Variants in GRIN3B observed in about 807,000 individuals in gnomAD.
GRIN3B encodes glutamate ionotropic receptor NMDA type subunit 3B.
In GRIN3B, 77 loss-of-function variants were observed where a neutral mutation model predicts 66.0. The observed-to-expected ratio is 1.17, with a 90% CI of 0.97 to 1.41. GRIN3B has a LOEUF of 1.41. Among genes scored for constraint, GRIN3B ranks in the 40% most tolerant of loss-of-function variants. The pLI is 0.00. For synonymous variants in GRIN3B, 823 were observed against 749.7 expected (o/e 1.10, Z -1.60); for missense variants, 1,787 against 1,564.5 (o/e 1.14, Z -2.40).
Position 1,005,142 on chromosome 19 carries a change from C to G in GRIN3B, c.1641C>G (p.Pro547=), listed in dbSNP as rs757652954. ...ARSQVVDFTS[P]FFSTSLGIMV... Reference sequence around the variant, plus strand: ...CACAGGTGGTGGACTTCACCAGCCCCTTCTTCTCCACCAGCCTGGGCATCA... The same window carrying G: ...CACAGGTGGTGGACTTCACCAGCCCGTTCTTCTCCACCAGCCTGGGCATCA... Residue 547 remains proline (P), a synonymous_variant, in exon 3 of 9, where the codon CCC becomes CCG. Transcript: ENST00000234389. This position sits in a 1 kb window ranked among gnomAD's most constrained non-coding sequence, Gnocchi z 5.2. 1.9e-6 allele frequency: 3 copies of G among 1,613,296 alleles called. No individual in the cohort carries two copies. Among genetic ancestry groups the G allele is most frequent in the East Asian group, 4.5e-5 (2 of 44,878 alleles).
chr19:1,003,617 G>T lies in GRIN3B; in HGVS notation c.914G>T (p.Gly305Val). 6.9e-7 allele frequency: 1 copy of T among 1,448,626 alleles called. No homozygotes were observed. 89.7% of individuals were successfully genotyped at this position (1,448,626 alleles called of 1,614,324 possible). Reference sequence around the variant, plus strand: ...GTGCAACTGGTGGCCCGGGCGCTGGGCAGTGCGGCCCAGGTGCAGCCGAAG... The same window carrying T: ...GTGCAACTGGTGGCCCGGGCGCTGGTCAGTGCGGCCCAGGTGCAGCCGAAG... ...DIVQLVARAL[G>V]SAAQVQPKRA... is the part of the protein sequence containing the mutation. The change falls in exon 2 of 9, where the codon GGC becomes GTC. Residue 305 changes from glycine to valine, a missense_variant. By Grantham distance (109) the Gly-to-Val change is moderately radical. Transcript: ENST00000234389.
rs528772663 is a variant in GRIN3B, at chr19:1,008,519, A to C, written c.2467-99A>C. The C allele has an allele frequency of 7.0e-4, 977 of 1,403,678 alleles. 5 individuals carry two copies. In the Middle Eastern group the frequency reaches 0.016, roughly 23 times the overall value. 87.0% of individuals were successfully genotyped at this position (1,403,678 alleles called of 1,614,324 possible). ...CTCCCAACCTGGCTCCACTGCCCCAAGCCCCTCTCTCTGGCCCAACCTGTT... is the reference window on the plus strand; with the variant it reads ...CTCCCAACCTGGCTCCACTGCCCCACGCCCCTCTCTCTGGCCCAACCTGTT... On this transcript the variant is annotated intron_variant, in intron 6 of 8. Coordinates refer to ENST00000234389, the MANE Select transcript of GRIN3B (RefSeq NM_138690.3).
In GRIN3B at chr19:1,005,600, G is replaced by C; in HGVS notation, c.2052+47G>C. On this transcript the variant is annotated intron_variant, in intron 3 of 8. Coordinates refer to ENST00000234389, the MANE Select transcript of GRIN3B (RefSeq NM_138690.3). The surrounding 1 kb of genome is among the most constrained non-coding windows in gnomAD (Gnocchi z 5.2). ...CGGGTGGCCTTGGGGGGCTAGCGGT[G>C]GCCCCGGGCTGGGCTGTGTGGGGCA... 6.9e-7 allele frequency: 1 copy of C among 1,447,362 alleles called. No individual in the cohort carries two copies. The allele number at this position is 1,447,362 out of a possible 1,614,324, so 89.7% of individuals were successfully genotyped here. A position where few individuals can be genotyped will look rare whatever the true frequency, so the allele number is the denominator to read the frequency against.
At position 1,007,860 on chromosome 19, in the gene GRIN3B, G is replaced by A. The variant is rs1599460874; in HGVS notation, c.2203G>A (p.Asp735Asn). ...CCCCGCCCCCGGCCCCAGCAGGAGCGACCCCCCCAAGCTCAACGCCTTCAT... is the reference window on the plus strand; with the variant it reads ...CCCCGCCCCCGGCCCCAGCAGGAGCAACCCCCCCAAGCTCAACGCCTTCAT... ...TPRGVAMLTS[D>N]PPKLNAFIMD... The change falls in exon 5 of 9, where the codon GAC becomes AAC. Residue 735 changes from aspartate to asparagine, a missense_variant. Transcript: ENST00000234389. The surrounding 1 kb of genome is among the most constrained non-coding windows in gnomAD (Gnocchi z 4.4). 1.2e-6 allele frequency: 2 copies of A among 1,608,078 alleles called. No individual in the cohort carries two copies. The highest frequency in any genetic ancestry group is 1.7e-6 in the Non-Finnish European group (2 of 1,177,120).
At chr19:1,004,005 C>A (rs1184985176) in intron 2 of GRIN3B, among the ~76,000 whole-genome samples, 1 of 152,256 alleles carries the variant, frequency 6.6e-6, no homozygotes, top group African/African-American at 2.4e-5. Context: ...GAGAGAATCG[C>A]TTGAGCCTGT....
At position 1,008,879 on chromosome 19, in the gene GRIN3B, C is replaced by T. The variant is rs200081897; in HGVS notation, c.2654C>T (p.Thr885Met). Residue 885 changes from threonine (T) to methionine (M), a missense_variant, in exon 8 of 9, where the codon ACG becomes ATG. By Grantham distance (81) the Thr-to-Met change is moderately conservative. Transcript: ENST00000234389. Reference protein sequence around the residue: ...TSQKIHRALNTEPPEGSKEET... With the variant: ...TSQKIHRALNMEPPEGSKEET... ...TAGAAAATCCACCGCGCCCTCAACA[C>T]GGAGCCACCAGAGGGGTCGAAGGAG... The T allele has an allele frequency of 5.0e-6, 8 of 1,610,414 alleles. No individual in the cohort carries two copies. The South Asian group carries it at 7.7e-5, about 16-fold the overall frequency.
Position 1,005,464 on chromosome 19 carries a change from C to T in GRIN3B, c.1963C>T (p.Leu655=), listed in dbSNP as rs767570041. 2.5e-6 allele frequency: 4 copies of T among 1,613,380 alleles called. No homozygotes were observed. Among genetic ancestry groups the T allele is most frequent in the Middle Eastern group, 1.6e-4 (1 of 6,084 alleles). The stretch of plus-strand genomic sequence containing the variant: ...GAACCTCTGGGCCATCTTCTGCCTG[C>T]TGGTGCTGTCCAGCTACACGGCCAA... ...LMNLWAIFCL[L]VLSSYTANLA... Residue 655 remains leucine, a synonymous_variant, in exon 3 of 9, where the codon CTG becomes TTG. Transcript: ENST00000234389. This position sits in a 1 kb window ranked among gnomAD's most constrained non-coding sequence, Gnocchi z 5.2.
Position 1,003,275 on chromosome 19 carries a change from G to A in GRIN3B, c.572G>A (p.Trp191Ter). The change falls in exon 2 of 9, where the codon TGG becomes TAG. Residue 191 changes from tryptophan (W) to a stop codon, truncating the protein, a stop_gained. Coordinates refer to ENST00000234389, the MANE Select transcript of GRIN3B (RefSeq NM_138690.3). LOFTEE classifies it high-confidence loss of function. Reference sequence around the variant, plus strand: ...GACCCCGGCGGCCTGGTGGCCCTCTGGACAAGCCGGGCTGGCCGGCCCCCA... The same window carrying A: ...GACCCCGGCGGCCTGGTGGCCCTCTAGACAAGCCGGGCTGGCCGGCCCCCA... ...TQDPGGLVAL[W>*]TSRAGRPPQL... is the part of the protein sequence containing the mutation. 1 of 1,571,598 alleles carries A rather than the reference G, an allele frequency of 6.4e-7. No individual in the cohort carries two copies. Among genetic ancestry groups the A allele is most frequent in the Non-Finnish European group, 8.6e-7 (1 of 1,160,698 alleles).
rs1261289316 is a variant in GRIN3B at position 1,007,434 on chromosome 19, G to A, written c.2053-194G>A. On this transcript the variant is annotated intron_variant, in intron 3 of 8. Transcript: ENST00000234389. The surrounding 1 kb of genome is among the most constrained non-coding windows in gnomAD (Gnocchi z 4.4). Reference sequence around the variant, plus strand: ...CTGCCCCCCGCCCCAGGGGACCCTGGACAGTGTGTGTCTAGAGACAGCTGT... The same window carrying A: ...CTGCCCCCCGCCCCAGGGGACCCTGAACAGTGTGTGTCTAGAGACAGCTGT... Among the ~76,000 whole-genome samples the A allele has an allele frequency of 6.6e-6, 1 of 151,944 alleles. No homozygotes were observed. The highest frequency in any genetic ancestry group is 1.5e-5 in the Non-Finnish European group (1 of 67,928).
In GRIN3B at chr19:1,004,688, T is replaced by G; in HGVS notation, c.1187T>G (p.Leu396Trp). The change falls in exon 3 of 9, where the codon TTG (leucine) becomes TGG (tryptophan). Residue 396 changes from leucine (L) to tryptophan (W), a missense_variant. By Grantham distance (61) the Leu-to-Trp change is moderately conservative (BLOSUM62 -2). Transcript: ENST00000234389. Reference sequence around the variant, plus strand: ...AGCTGGCGGGACGGCCAGCTGGACTTGGAACCGGGAGGTGCCTCTGCACGG... The same window carrying G: ...AGCTGGCGGGACGGCCAGCTGGACTGGGAACCGGGAGGTGCCTCTGCACGG... ...VGSWRDGQLD[L>W]EPGGASARPP... The G allele has an allele frequency of 6.2e-7, 1 of 1,601,390 alleles. No homozygotes were observed. Among genetic ancestry groups the G allele is most frequent in the Non-Finnish European group, 8.5e-7 (1 of 1,174,086 alleles).
chr19:1,005,605 C>T lies in GRIN3B; in HGVS notation c.2052+52C>T, dbSNP rs766915238. The T allele has an allele frequency of 9.1e-6, 13 of 1,427,582 alleles. No individual in the cohort carries two copies. Among genetic ancestry groups the T allele is most frequent in the Middle Eastern group, 2.1e-4 (1 of 4,786 alleles). 88.4% of individuals were successfully genotyped at this position (1,427,582 alleles called of 1,614,324 possible). ...GGCCTTGGGGGGCTAGCGGTGGCCC[C>T]GGGCTGGGCTGTGTGGGGCAGGGGT... is the stretch of plus-strand genomic sequence containing the variant. On this transcript the variant is annotated intron_variant, in intron 3 of 8. Transcript: ENST00000234389. This position sits in a 1 kb window ranked among gnomAD's most constrained non-coding sequence, Gnocchi z 5.2.
intron 3 of GRIN3B, among the ~76,000 whole-genome samples, chr19:1,006,445 G>C (rs1012493291): frequency 1.3e-5 from 2 of 151,852 alleles, no homozygotes; most frequent in South Asian, 4.2e-4. Context: ...CATCTGGCCC[G>C]TATTATTATT....
At position 1,003,280 on chromosome 19, in the gene GRIN3B, A is replaced by G; in HGVS notation, c.577A>G (p.Ser193Gly). 6.4e-7 allele frequency: 1 copy of G among 1,572,226 alleles called. No individual in the cohort carries two copies. The highest frequency in any genetic ancestry group is 8.6e-7 in the Non-Finnish European group (1 of 1,160,982). Residue 193 changes from serine (S) to glycine (G), a missense_variant, in exon 2 of 9, where the codon AGC (serine) becomes GGC (glycine). Physicochemically the swap from Ser to Gly is moderately conservative, Grantham distance 56 (BLOSUM62 0). Coordinates refer to ENST00000234389, the MANE Select transcript of GRIN3B (RefSeq NM_138690.3). ...CGGCGGCCTGGTGGCCCTCTGGACA[A>G]GCCGGGCTGGCCGGCCCCCACAGCT... ...DPGGLVALWT[S>G]RAGRPPQLVL... is the part of the protein sequence containing the mutation.
chr19:1,007,579 C>A lies in GRIN3B; in HGVS notation c.2053-49C>A, dbSNP rs2038764306. On this transcript the variant is annotated intron_variant, in intron 3 of 8. Coordinates refer to ENST00000234389, the MANE Select transcript of GRIN3B (RefSeq NM_138690.3). This position sits in a 1 kb window ranked among gnomAD's most constrained non-coding sequence, Gnocchi z 4.4. ...GGAGAACGGCGCGCCCCTCAATGGT[C>A]AGGGGTCCTGAGGGGCAGGCAGAGG... is the stretch of plus-strand genomic sequence containing the variant. 1.4e-6 allele frequency: 2 copies of A among 1,420,724 alleles called. No individual in the cohort carries two copies. Among genetic ancestry groups the A allele is most frequent in the Non-Finnish European group, 1.8e-6 (2 of 1,089,220 alleles). The allele number at this position is 1,420,724 out of a possible 1,614,324, so 88.0% of individuals were successfully genotyped here. A position where few individuals can be genotyped will look rare whatever the true frequency, so the allele number is the denominator to read the frequency against.
At chr19:1,003,035 G>A in intron 1 of GRIN3B, 95 bp from the exon 2 acceptor site, 1 of 823,046 alleles carries the variant, frequency 1.2e-6, no homozygotes, top group Non-Finnish European at 1.8e-6. Flanking sequence ...CAGCCATCCA[G>A]CTGGCATCTA....
At chr19:1,009,021 T>C in intron 8 of GRIN3B, 94 bp downstream of exon 8, 1 of 1,482,722 alleles carries the variant, frequency 6.7e-7, no homozygotes, top group Middle Eastern at 2.4e-4. Context: ...TGCAGGAGGT[T>C]CCCGGAGGTC....
In GRIN3B at chr19:1,009,550, C is replaced by CG. The variant is rs1305755222; in HGVS notation, c.3082dup (p.Ala1028GlyfsTer53). 2.7e-6 allele frequency: 4 copies of CG among 1,462,958 alleles called. No homozygotes were observed. In the African/African-American group the frequency reaches 4.5e-5, roughly 17 times the overall value. The allele number at this position is 1,462,958 out of a possible 1,614,324, so 90.6% of individuals were successfully genotyped here. The stretch of plus-strand genomic sequence containing the variant: ...CCTCGGCGCTTGCTTCAGGCCAGAG[C>CG]GGCCCCCGCGGAGGCCCCACCACAC... On this transcript the variant is annotated frameshift_variant, in exon 9 of 9. Transcript: ENST00000234389. LOFTEE classifies it low-confidence loss of function (END_TRUNC).
chr19:1,002,397 T>C (rs1009445126), intron 1 of GRIN3B, among the ~76,000 whole-genome samples: 1 of 114,688 alleles, frequency 8.7e-6, no homozygotes, highest in Non-Finnish European at 1.8e-5. Flanking sequence ...CTGGGAGTGG[T>C]GGAGCTTGCA....
At chr19:1,003,873 G>T in intron 2 of GRIN3B, 151 bp downstream of exon 2, 1 of 577,028 alleles carries the variant, frequency 1.7e-6, no homozygotes, top group East Asian at 3.5e-5. Context: ...GATCACTTGA[G>T]CTCGGGAGTT....
Sources: allele counts gnomAD v4.1 joint callset (sites outside exome capture counted in the v4.1 genomes callset), GRCh38; gene constraint gnomAD v4.1.1; non-coding constraint Gnocchi (gnomAD v3.1); transcripts MANE v1.5; gene names NCBI Gene and HGNC (gene_info 2026-07-23, HGNC 2026-07-21).